The following ARHGAP29 variants were observed in gnomAD, a reference collection of about 807,000 sequenced individuals.
ARHGAP29 encodes rho GTPase-activating protein 29.
In ARHGAP29, 43 loss-of-function variants were observed where a neutral mutation model predicts 122.6. The ratio of observed to expected loss-of-function variants is 0.35; its 90% confidence interval spans 0.27 to 0.45. ARHGAP29 has a LOEUF of 0.45. Among genes scored for constraint, ARHGAP29 ranks in the 20% least tolerant of loss-of-function variants. The pLI is 1.00. For synonymous variants in ARHGAP29, 506 were observed against 497.1 expected (o/e 1.02, Z -0.24); for missense variants, 1,303 against 1,477.2 (o/e 0.88, Z 1.93).
the ARHGAP29 span, among the ~76,000 whole-genome samples, chr1:94,296,775 A>AT: frequency 1.3e-5 from 2 of 152,160 alleles, no homozygotes; most frequent in Non-Finnish European, 2.9e-5. Flanking sequence ...GCCTAGTGAG[A>AT]TTAGAGACAC....
chr1:94,217,529 C>CAAA (rs11297785), intron 3 of ARHGAP29, among the ~76,000 whole-genome samples: 1 of 127,702 alleles, frequency 7.8e-6, no homozygotes, highest in African/African-American at 2.9e-5. Flanking sequence ...GACACCGTCT[C>CAAA]AAAAAAAAAA....
chr1:94,241,420 A>G (rs1424762152), upstream of ARHGAP29, among the ~76,000 whole-genome samples: 5 of 152,028 alleles, frequency 3.3e-5, no homozygotes, highest in African/African-American at 1.2e-4. Flanking sequence ...GTTTGAGACC[A>G]GCTTGGCTAA....
chr1:94,283,903 G>C, the ARHGAP29 span, among the ~76,000 whole-genome samples: 3 of 152,148 alleles, frequency 2.0e-5, no homozygotes, highest in African/African-American at 4.8e-5. Context: ...TCTGGATGGG[G>C]AATAGAGCTA....
At chr1:94,201,212 G>A (rs1420448652) in intron 12 of ARHGAP29, among the ~76,000 whole-genome samples, 1 of 152,040 alleles carries the variant, frequency 6.6e-6, no homozygotes, top group Non-Finnish European at 1.5e-5. Context: ...GAAAACTGGT[G>A]GCTTAGAGGC....
At chr1:94,282,204 G>A in the ARHGAP29 span, among the ~76,000 whole-genome samples, 3 of 151,956 alleles carry the variant, frequency 2.0e-5, no homozygotes, top group Non-Finnish European at 4.4e-5. Flanking sequence ...AAGTTCCATG[G>A]TGGTTCTGTA....
At chr1:94,216,047 G>A (rs1651938977) in intron 3 of ARHGAP29, among the ~76,000 whole-genome samples, 1 of 152,136 alleles carries the variant, frequency 6.6e-6, no homozygotes, top group African/African-American at 2.4e-5. Flanking sequence ...AGTTCTGTTG[G>A]CAAAGGTGCA....
chr1:94,292,919 A>G, the ARHGAP29 span, among the ~76,000 whole-genome samples: 1 of 152,150 alleles, frequency 6.6e-6, no homozygotes. Context: ...GGGGTCTGGG[A>G]CCCACTTGAG....
At chr1:94,279,167 A>T (rs1456826314), upstream of ARHGAP29, among the ~76,000 whole-genome samples, 1 of 152,166 alleles carries the variant, frequency 6.6e-6, no homozygotes, top group South Asian at 2.1e-4. Context: ...TTGTCCATTA[A>T]CATGGTGGTT....
intron 1 of ARHGAP29, among the ~76,000 whole-genome samples, chr1:94,259,700 G>A (rs961252037): frequency 1.2e-4 from 18 of 152,196 alleles, no homozygotes; most frequent in Admixed American, 2.0e-4. Context: ...TACAGAGGCA[G>A]CATGGGCCTG....
chr1:94,244,750 T>C (rs1653726942), intron 1 of ARHGAP29, among the ~76,000 whole-genome samples: 1 of 152,094 alleles, frequency 6.6e-6, no homozygotes, highest in African/African-American at 2.4e-5. Context: ...TTTATTTCTA[T>C]ACACTAACAA....
the ARHGAP29 span, among the ~76,000 whole-genome samples, chr1:94,286,510 AT>A: frequency 6.6e-6 from 1 of 152,092 alleles, no homozygotes; most frequent in East Asian, 1.9e-4. Flanking sequence ...TCTACAAAAA[AT>A]ACAAAAATTA....
intron 2 of ARHGAP29, among the ~76,000 whole-genome samples, chr1:94,230,924 A>C (rs1250162933): frequency 6.6e-6 from 1 of 151,842 alleles, no homozygotes; most frequent in Non-Finnish European, 1.5e-5. Context: ...AAGATGTTAC[A>C]GATCAGCAAA....
chr1:94,174,752 G>A lies in ARHGAP29; in HGVS notation c.2906-3C>T. 1 of 1,608,446 alleles carries A rather than the reference G, an allele frequency of 6.2e-7. No individual in the cohort carries two copies. On this transcript the variant is annotated splice_region_variant and splice_polypyrimidine_tract_variant and intron_variant, in intron 22 of 22. Transcript: ENST00000260526. ...GTCTAGAAGCAACTGTGCTTTGTCT[G>A]AAAATGAAAGAAATCTATTTAAGTT...
intron 2 of ARHGAP29, among the ~76,000 whole-genome samples, chr1:94,226,224 C>T (rs1274348401): frequency 1.3e-5 from 2 of 151,802 alleles, no homozygotes; most frequent in African/African-American, 4.8e-5. Flanking sequence ...CAATTTTTGT[C>T]GTAATGGCTT....
At chr1:94,229,944 A>G (rs1391025955) in intron 2 of ARHGAP29, among the ~76,000 whole-genome samples, 1 of 151,676 alleles carries the variant, frequency 6.6e-6, no homozygotes, top group African/African-American at 2.4e-5. Context: ...AAAATAACTA[A>G]AAACAAATAG....
intron 1 of ARHGAP29, among the ~76,000 whole-genome samples, chr1:94,262,045 C>T (rs1013726015): frequency 6.6e-6 from 1 of 152,112 alleles, no homozygotes; most frequent in Non-Finnish European, 1.5e-5. Context: ...GGAACTGTTA[C>T]AAAAACAGAC....
the ARHGAP29 span, among the ~76,000 whole-genome samples, chr1:94,299,602 C>T: frequency 2.0e-5 from 3 of 152,070 alleles, no homozygotes; most frequent in Non-Finnish European, 2.9e-5. Flanking sequence ...GAACAGAAAT[C>T]TATTAAATAT....
In ARHGAP29 at chr1:94,256,536, C is replaced by CT. The variant is rs530295333; in HGVS notation, c.-33+18475dup. 5.5e-3 allele frequency among the ~76,000 whole-genome samples: 250 copies of CT among 45,320 alleles called. 90 individuals carry two copies. The highest frequency in any genetic ancestry group is 7.2e-3 in the African/African-American group (77 of 10,626). The allele number at this position is 45,320 out of a possible 152,430, so 29.7% of individuals were successfully genotyped here. A position where few individuals can be genotyped will look rare whatever the true frequency, so the allele number is the denominator to read the frequency against. On this transcript the variant is annotated intron_variant and NMD_transcript_variant, in intron 1 of 25. Transcript: ENST00000552844. ...CAGAAATAGATTTAACAGTACTAAT[C>CT]TTTTTTTTTTTTTTTTTTTTTTTTT... is the stretch of plus-strand genomic sequence containing the variant.
rs529041379 is a variant in ARHGAP29 at position 94,236,683 on chromosome 1, A to T, written c.-33+732T>A. Among the ~76,000 whole-genome samples, 1,007 of 150,666 alleles carry T rather than the reference A, an allele frequency of 6.7e-3. 11 individuals carry two copies. The highest frequency in any genetic ancestry group is 0.011 in the Admixed American group (171 of 15,144). On this transcript the variant is annotated intron_variant, in intron 1 of 22. Coordinates refer to ENST00000260526, the MANE Select transcript of ARHGAP29 (RefSeq NM_004815.4). The stretch of plus-strand genomic sequence containing the variant: ...CTCCAGCTCACCCGCCCCCCAAAAA[A>T]TTTTTTTTTTTAATTAAAACTGTCA...
Sources: allele counts gnomAD v4.1 joint callset (sites outside exome capture counted in the v4.1 genomes callset), GRCh38; gene constraint gnomAD v4.1.1; transcripts MANE v1.5; gene names NCBI Gene and HGNC (gene_info 2026-07-23, HGNC 2026-07-21).